Variants in SLIT3 observed in about 807,000 individuals in gnomAD.
SLIT3 encodes the protein slit guidance ligand 3, also known as slit homolog 3 protein.
Under a neutral mutation model 184.0 loss-of-function variants are expected in SLIT3, and 68 were observed. That is an observed-to-expected ratio of 0.37 (90% CI 0.30 to 0.45). The LOEUF is 0.45. Among genes scored for constraint, SLIT3 ranks in the 20% least tolerant of loss-of-function variants. SLIT3 has a pLI of 1.00. For synonymous variants in SLIT3, 831 were observed against 828.6 expected (o/e 1.00, Z -0.05); for missense variants, 1,707 against 2,026.0 (o/e 0.84, Z 3.02).
At chr5:169,110,925 C>T (rs991958300) in intron 4 of SLIT3, among the ~76,000 whole-genome samples, 4 of 152,188 alleles carry the variant, frequency 2.6e-5, no homozygotes, top group African/African-American at 4.8e-5. Context: ...GGGTGAAGAC[C>T]GAGCTCTGTA....
intron 1 of SLIT3, among the ~76,000 whole-genome samples, chr5:169,273,237 G>T (rs1766690188): frequency 6.6e-6 from 1 of 152,362 alleles, no homozygotes; most frequent in African/African-American, 2.4e-5. Context: ...GGTGGCCACA[G>T]GAGAGGGAGG....
At chr5:169,076,526 GC>G (rs1269945691) in intron 4 of SLIT3, among the ~76,000 whole-genome samples, 1 of 151,764 alleles carries the variant, frequency 6.6e-6, no homozygotes, top group East Asian at 1.9e-4. Flanking sequence ...TCTCTCTCTA[GC>G]TTGCTAAAAC....
intron 9 of SLIT3, among the ~76,000 whole-genome samples, chr5:168,804,174 T>C (rs780346801): frequency 6.6e-6 from 1 of 151,480 alleles, no homozygotes; most frequent in Non-Finnish European, 1.5e-5. Flanking sequence ...CTGGGTGTGG[T>C]GGCAGGCACC....
chr5:168,676,658 T>A (rs1226256047), intron 32 of SLIT3, among the ~76,000 whole-genome samples: 1 of 152,192 alleles, frequency 6.6e-6, no homozygotes, highest in Non-Finnish European at 1.5e-5. Flanking sequence ...TGCAGGTATA[T>A]CCCACAGCGT....
intron 4 of SLIT3, among the ~76,000 whole-genome samples, chr5:169,175,640 C>T (rs919465075): frequency 6.6e-6 from 1 of 152,212 alleles, no homozygotes; most frequent in Non-Finnish European, 1.5e-5. Context: ...ACTATATCTT[C>T]TCGTCTTCCT....
chr5:168,818,802 T>C (rs1757425770), intron 7 of SLIT3, among the ~76,000 whole-genome samples: 1 of 152,214 alleles, frequency 6.6e-6, no homozygotes, highest in African/African-American at 2.4e-5. Flanking sequence ...TCCTGCTGGA[T>C]GCCAGCAGGG....
At chr5:168,891,126 T>C (rs545465485) in intron 4 of SLIT3, among the ~76,000 whole-genome samples, 1 of 152,314 alleles carries the variant, frequency 6.6e-6, no homozygotes, top group African/African-American at 2.4e-5. Flanking sequence ...TGTTCTAGCA[T>C]GAAGTTCACA....
chr5:168,786,494 C>T (rs1002296715), intron 11 of SLIT3, among the ~76,000 whole-genome samples: 26 of 152,310 alleles, frequency 1.7e-4, no homozygotes, highest in African/African-American at 6.0e-4. Flanking sequence ...GCAGGGACTG[C>T]TGAGTCAAGG....
chr5:169,209,220 A>AT (rs1561740231), intron 3 of SLIT3, among the ~76,000 whole-genome samples: 1 of 152,240 alleles, frequency 6.6e-6, no homozygotes, highest in Non-Finnish European at 1.5e-5. Flanking sequence ...ATCACTGGTC[A>AT]TTAGAGAAAT....
At chr5:169,104,830 CCA>C (rs1315868702) in intron 4 of SLIT3, among the ~76,000 whole-genome samples, 1 of 152,208 alleles carries the variant, frequency 6.6e-6, no homozygotes, top group African/African-American at 2.4e-5. Flanking sequence ...AGAAAGAAAA[CCA>C]CAGAGATTTA....
At position 168,861,259 on chromosome 5, in the gene SLIT3, C is replaced by A. The variant is rs567858899; in HGVS notation, c.486-16604G>T. Among the ~76,000 whole-genome samples, 4 of 152,066 alleles carry A rather than the reference C, an allele frequency of 2.6e-5. No homozygotes were observed. The South Asian group carries it at 8.3e-4, about 32-fold the overall frequency. On this transcript the variant is annotated intron_variant, in intron 5 of 35. Transcript: ENST00000519560. ...CTCCTAATGCTTTCCCTCCCCCATC[C>A]CCCCATCCCACGACAGGCCCCAGTG...
chr5:169,036,885 C>A (rs1241990848), intron 4 of SLIT3, among the ~76,000 whole-genome samples: 2 of 152,164 alleles, frequency 1.3e-5, no homozygotes, highest in African/African-American at 4.8e-5. Context: ...TTTCTCATTA[C>A]CCAGGGCCAT....
intron 4 of SLIT3, among the ~76,000 whole-genome samples, chr5:168,985,296 T>C (rs1755085551): frequency 6.6e-6 from 1 of 152,210 alleles, no homozygotes; most frequent in Non-Finnish European, 1.5e-5. Flanking sequence ...TATGCCATCT[T>C]GGCTTCCAAG....
chr5:169,256,044 G>A (rs1765950590), intron 1 of SLIT3, among the ~76,000 whole-genome samples: 1 of 152,046 alleles, frequency 6.6e-6, no homozygotes, highest in Non-Finnish European at 1.5e-5. Context: ...GACTCTCCTG[G>A]AGCAACTTCC....
At chr5:168,666,777 T>G (rs2113152834) in intron 35 of SLIT3, 88 bp from the exon 36 acceptor site, 1 of 1,590,130 alleles carries the variant, frequency 6.3e-7, no homozygotes, top group East Asian at 2.2e-5. Flanking sequence ...TTTGAAATAC[T>G]TGTGCTCTGA....
chr5:168,709,541 C>T (rs1165487726), intron 25 of SLIT3, among the ~76,000 whole-genome samples: 1 of 152,222 alleles, frequency 6.6e-6, no homozygotes, highest in Admixed American at 6.5e-5. Flanking sequence ...GAGACCTATA[C>T]TGTTCTTGGC....
At position 169,119,420 on chromosome 5, in the gene SLIT3, T is replaced by G. The variant is rs371360740; in HGVS notation, c.413+74059A>C. Among the ~76,000 whole-genome samples the G allele has an allele frequency of 4.3e-4, 66 of 152,368 alleles. No homozygotes were observed. The South Asian group carries it at 8.3e-3, about 19-fold the overall frequency. ...GACTAGAAACTGTTATCATGCTGAT[T>G]AATGCTGCCATTGTTCACAGCAATA... On this transcript the variant is annotated intron_variant, in intron 4 of 35. Coordinates refer to ENST00000519560, the MANE Select transcript of SLIT3 (RefSeq NM_003062.4).
intron 4 of SLIT3, among the ~76,000 whole-genome samples, chr5:169,144,944 T>A (rs1000221613): frequency 6.6e-6 from 1 of 152,196 alleles, no homozygotes; most frequent in African/African-American, 2.4e-5. Context: ...GGAGCACCTT[T>A]TACATCCAGC....
At chr5:169,014,878 G>C (rs1223630142) in intron 4 of SLIT3, among the ~76,000 whole-genome samples, 2 of 152,188 alleles carry the variant, frequency 1.3e-5, no homozygotes. Flanking sequence ...TTGAACTCGG[G>C]AGGCAGAGGT....
Sources: gnomAD v4.1 joint callset for allele counts (sites outside exome capture counted in the v4.1 genomes callset) on GRCh38, gnomAD v4.1.1 for gene constraint, MANE v1.5 for transcripts, NCBI Gene and HGNC (gene_info 2026-07-23, HGNC 2026-07-21) for gene names.